Variants in MT4 observed in about 807,000 individuals in gnomAD.
MT4 encodes the protein metallothionein-4.
A neutral mutation model predicts 9.5 loss-of-function variants in MT4; 11 were observed. The ratio of observed to expected loss-of-function variants is 1.16; its 90% CI spans 0.73 to 1.92. The LOEUF (loss-of-function observed/expected upper bound fraction) is 1.92. Ranked by LOEUF, MT4 falls within the 30% of genes most tolerant of loss-of-function variation. MT4 has a pLI of 0.00. For missense variants in MT4, 88 were observed against 78.7 expected (o/e 1.12, Z -0.45); for synonymous variants, 29 against 24.6 (o/e 1.18, Z -0.53).
chr16:56,567,670 C>G, intron 1 of MT4, 81 bp from the exon 2 acceptor site: 1 of 1,347,640 alleles, frequency 7.4e-7, no homozygotes, highest in Non-Finnish European at 1.1e-6. Flanking sequence ...AGCCTTGCCA[C>G]TCTGACAGTC....
intron 2 of MT4, among the ~76,000 whole-genome samples, chr16:56,568,335 A>AAGAT (rs1174890278): frequency 5.3e-5 from 8 of 151,022 alleles, no homozygotes; most frequent in Admixed American, 4.6e-4. Flanking sequence ...GAAAGAAAGA[A>AAGAT]AGATCCCATC....
intron 1 of MT4, 94 bp from the exon 2 acceptor site, chr16:56,567,657 A>T (rs1959552594): frequency 8.5e-7 from 1 of 1,182,506 alleles, no homozygotes; most frequent in African/African-American, 1.5e-5. Flanking sequence ...GATATAGCCC[A>T]GGAGCCTTGC....
intron 2 of MT4, 42 bp downstream of exon 2, chr16:56,567,858 A>G: frequency 1.3e-6 from 2 of 1,568,162 alleles, no homozygotes; most frequent in East Asian, 2.3e-5. Context: ...GGGAGTTAGA[A>G]AAGTCCAATC....
chr16:56,568,440 T>C (rs669293), intron 2 of MT4, among the ~76,000 whole-genome samples: 32,218 of 151,742 alleles, frequency 0.21, 3,831 homozygotes, highest in African/African-American at 0.32. Context: ...AAATGAGAAC[T>C]ATGTAGAGAC....
Position 56,567,825 on chromosome 16 carries a change from G to T in MT4, c.97+9G>T. 6.2e-7 allele frequency: 1 copy of T among 1,609,618 alleles called. No homozygotes were observed. Among genetic ancestry groups the T allele is most frequent in the Admixed American group, 1.7e-5 (1 of 59,952 alleles). ...TAAAACATATTGGAAGAGTGAGTAT[G>T]GTGACTGGGGGCACCATGGGCTGGG... is the stretch of plus-strand genomic sequence containing the variant. On this transcript the variant is annotated intron_variant, in intron 2 of 2. Transcript: ENST00000219162.
intron 1 of MT4, among the ~76,000 whole-genome samples, chr16:56,566,778 GA>G (rs1222303990): frequency 1.2e-4 from 3 of 25,708 alleles, no homozygotes; most frequent in African/African-American, 2.5e-4. Context: ...AGGAAAGAAA[GA>G]AAGAAAGAAA....
At chr16:56,566,745 AGAAGGAAGGAAGGAAGGAAGGAAG>A (rs1567329865) in intron 1 of MT4, among the ~76,000 whole-genome samples, 24 of 46,142 alleles carry the variant, frequency 5.2e-4, no homozygotes, top group African/African-American at 2.5e-3. Flanking sequence ...AAAGAAAGAA[AGAAGGAAGGAAGGAAGGAAGGAAG>A]GAAAGAAAGA....
intron 1 of MT4, among the ~76,000 whole-genome samples, chr16:56,566,774 GAA>G (rs1959531890): frequency 5.0e-5 from 1 of 19,990 alleles, no homozygotes; most frequent in African/African-American, 8.5e-5. Context: ...AGGAAGGAAA[GAA>G]AGAAAGAAAG....
chr16:56,568,219 GAAAGAAAGAAAGAAAGAAAGAAAGAA>G (rs1959566252), intron 2 of MT4, among the ~76,000 whole-genome samples: 3 of 23,224 alleles, frequency 1.3e-4, no homozygotes. Flanking sequence ...GAGAGAGAAA[GAAAGAAAGAAAGAAAGAAAGAAAGAA>G]AGAAAGAAAG....
At position 56,568,947 on chromosome 16, in the gene MT4, G is replaced by T; in HGVS notation, c.*15G>T. 6.3e-7 allele frequency: 1 copy of T among 1,583,220 alleles called. No individual in the cohort carries two copies. Among genetic ancestry groups the T allele is most frequent in the Non-Finnish European group, 8.6e-7 (1 of 1,163,908 alleles). On this transcript the variant is annotated 3_prime_UTR_variant, in exon 3 of 3. Transcript: ENST00000219162. ...GCTGCCCATGAAAGCCATCCATCGT[G>T]CCCACCCCTTCCAAGGAGAGAAACC...
At chr16:56,566,972 TCA>T (rs1959544787) in intron 1 of MT4, among the ~76,000 whole-genome samples, 1 of 152,120 alleles carries the variant, frequency 6.6e-6, no homozygotes, top group South Asian at 2.1e-4. Flanking sequence ...CTTAAACCAT[TCA>T]CAGTTTTCAT....
At chr16:56,566,525 GGAAGGAAA>G (rs141443316) in intron 1 of MT4, among the ~76,000 whole-genome samples, 68,522 of 139,264 alleles carry the variant, frequency 0.49, 18,747 homozygotes, top group Non-Finnish European at 0.6. Context: ...AAGAAAGAAC[GGAAGGAAA>G]GAAGGAAAGA....
intron 2 of MT4, among the ~76,000 whole-genome samples, chr16:56,568,227 GAAAGAAAGAAAGAAAGAA>G (rs1453803001): frequency 0.041 from 2,144 of 51,952 alleles, 53 homozygotes; most frequent in Middle Eastern, 0.075. Context: ...AAGAAAGAAA[GAAAGAAAGAAAGAAAGAA>G]AGAAAGAAAG....
chr16:56,568,327 A>AAGAG (rs1959580605), intron 2 of MT4, among the ~76,000 whole-genome samples: 2 of 148,754 alleles, frequency 1.3e-5, no homozygotes, highest in African/African-American at 5.1e-5. Context: ...GAAAGAAAGA[A>AAGAG]AGAAAGAAAG....
chr16:56,566,865 A>C (rs765139368), intron 1 of MT4, among the ~76,000 whole-genome samples: 2 of 151,498 alleles, frequency 1.3e-5, no homozygotes, highest in South Asian at 4.2e-4. Context: ...GAAATGAGGG[A>C]GAGAGGAAGG....
chr16:56,566,836 AAAGAAAGAAAGAAAGAAAG>A (rs1262797767), intron 1 of MT4, among the ~76,000 whole-genome samples: 8 of 116,234 alleles, frequency 6.9e-5, no homozygotes, highest in African/African-American at 2.7e-4. Flanking sequence ...AGAAAGAAAG[AAAGAAAGAAAGAAAGAAAG>A]AAATGAGGGA....
Position 56,567,690 on chromosome 16 carries a change from C to T in MT4, c.32-61C>T, listed in dbSNP as rs1959553087. On this transcript the variant is annotated intron_variant, in intron 1 of 2. Coordinates refer to ENST00000219162, the MANE Select transcript of MT4 (RefSeq NM_032935.3). ...TGCCACTCTGACAGTCGGCATCATG[C>T]CTTATGTTCCCCACTCCATCTCCAT... is the stretch of plus-strand genomic sequence containing the variant. The T allele has an allele frequency of 3.3e-6, 5 of 1,495,350 alleles. No individual in the cohort carries two copies. In the East Asian group the frequency reaches 1.1e-4, roughly 34 times the overall value. 92.6% of individuals were successfully genotyped at this position (1,495,350 alleles called of 1,614,324 possible).
In MT4 at chr16:56,566,769, GGAAAGAAAGAAA is replaced by G. The variant is rs1162747493; in HGVS notation, c.32-941_32-930del. On this transcript the variant is annotated intron_variant, in intron 1 of 2. Transcript: ENST00000219162. ...AAGAAGGAAGGAAGGAAGGAAGGAA[GGAAAGAAAGAAA>G]GAAAGAAAGAAAGAAAGAAAGAAAG... Among the ~76,000 whole-genome samples the G allele has an allele frequency of 6.0e-4, 22 of 36,926 alleles. 1 individual carries two copies. Among genetic ancestry groups the G allele is most frequent in the East Asian group, 3.2e-3 (5 of 1,578 alleles). The allele number at this position is 36,926 out of a possible 152,430, so 24.2% of individuals were successfully genotyped here. A position where few individuals can be genotyped will look rare whatever the true frequency, so the allele number is the denominator to read the frequency against.
At chr16:56,566,818 GAAAA>G in intron 1 of MT4, among the ~76,000 whole-genome samples, 1 of 48,608 alleles carries the variant, frequency 2.1e-5, no homozygotes, top group Non-Finnish European at 4.3e-5. Flanking sequence ...AAGAAAGAAA[GAAAA>G]GAAAGAAAGA....
Sources: allele counts gnomAD v4.1 joint callset (sites outside exome capture counted in the v4.1 genomes callset), GRCh38; gene constraint gnomAD v4.1.1; transcripts MANE v1.5; gene names NCBI Gene and HGNC (gene_info 2026-07-23, HGNC 2026-07-21).